Variants in MACF1 observed in about 807,000 individuals in gnomAD.
MACF1 encodes the protein microtubule actin crosslinking factor 1.
In MACF1, 193 loss-of-function variants were observed where a neutral mutation model predicts 854.8. That is an observed-to-expected ratio of 0.23 (90% CI 0.20 to 0.25). The LOEUF is 0.25. MACF1 is among the 10% of genes least tolerant of loss of function. The pLI, the probability that MACF1 is intolerant of heterozygous loss-of-function variation, is 1.00. For missense variants in MACF1, 7,722 were observed against 8,929.1 expected (o/e 0.86, Z 5.45); for synonymous variants, 3,185 against 3,226.7 (o/e 0.99, Z 0.44).
intron 1 of MACF1, among the ~76,000 whole-genome samples, chr1:39,210,293 T>G (rs1324804721): frequency 2.6e-5 from 4 of 152,084 alleles, no homozygotes; most frequent in Non-Finnish European, 4.4e-5. Flanking sequence ...TGGTCATATA[T>G]CTAACATATC....
At chr1:39,142,473 T>C (rs1643365181) in intron 2 of MACF1, among the ~76,000 whole-genome samples, 1 of 152,176 alleles carries the variant, frequency 6.6e-6, no homozygotes, top group Non-Finnish European at 1.5e-5. Context: ...TACAGTGCTA[T>C]GAATGTACCT....
intron 88 of MACF1, among the ~76,000 whole-genome samples, chr1:39,454,617 A>G (rs904296121): frequency 1.3e-5 from 2 of 152,110 alleles, no homozygotes; most frequent in African/African-American, 4.8e-5. Flanking sequence ...CCTGGGCAAC[A>G]TGGTGAAACC....
chr1:39,463,116 G>A (rs1644586576), intron 93 of MACF1, among the ~76,000 whole-genome samples: 2 of 152,150 alleles, frequency 1.3e-5, no homozygotes, highest in Admixed American at 6.5e-5. Context: ...GTCTCAATTA[G>A]TTCACTTAGT....
chr1:39,268,877 G>A (rs1009842100), intron 6 of MACF1: 1 of 1,289,418 alleles, frequency 7.8e-7, no homozygotes, highest in Non-Finnish European at 1.0e-6. Context: ...TCATTGAAGA[G>A]ACTGAAACCC....
chr1:39,116,188 A>C (rs1035817326), intron 2 of MACF1, among the ~76,000 whole-genome samples: 1 of 152,214 alleles, frequency 6.6e-6, no homozygotes, highest in Non-Finnish European at 1.5e-5. Context: ...AAATTGATGG[A>C]GCATGGGCTC....
intron 40 of MACF1, among the ~76,000 whole-genome samples, 168 bp downstream of exon 40, chr1:39,341,121 C>T (rs1032885924): frequency 2.6e-5 from 4 of 151,564 alleles, no homozygotes; most frequent in Non-Finnish European, 4.4e-5. Flanking sequence ...GCAACCTCCG[C>T]CTCCTGGGTT....
intron 52 of MACF1, among the ~76,000 whole-genome samples, chr1:39,377,730 A>ACAC (rs1649847149): frequency 1.3e-5 from 2 of 152,228 alleles, no homozygotes; most frequent in African/African-American, 4.8e-5. Flanking sequence ...TAGGCCAGGC[A>ACAC]CGGTGACTCA....
intron 58 of MACF1, among the ~76,000 whole-genome samples, chr1:39,419,497 AGT>A (rs1643449824): frequency 6.6e-6 from 1 of 151,298 alleles, no homozygotes; most frequent in African/African-American, 2.4e-5. Context: ...TCAACCGGTA[AGT>A]ATTTAATGTA....
intron 84 of MACF1, among the ~76,000 whole-genome samples, chr1:39,450,256 G>C (rs918407334): frequency 5.3e-5 from 8 of 151,828 alleles, no homozygotes; most frequent in African/African-American, 1.9e-4. Context: ...TGGCCTCCCA[G>C]AGTGCTGGGA....
chr1:39,209,215 C>T (rs1461179312), intron 1 of MACF1, among the ~76,000 whole-genome samples: 5 of 150,020 alleles, frequency 3.3e-5, no homozygotes, highest in African/African-American at 7.4e-5. Flanking sequence ...AGTGAAACTC[C>T]ATCTAAAAAA....
chr1:39,292,653 G>T, intron 16 of MACF1, 113 bp from the exon 17 acceptor site: 1 of 746,386 alleles, frequency 1.3e-6, no homozygotes, highest in Non-Finnish European at 2.1e-6. Context: ...TGTTTTCTTA[G>T]AGCAACCAAT....
Position 39,448,683 on chromosome 1 carries a change from C to G in MACF1, c.20178C>G (p.Pro6726=), listed in dbSNP as rs759255188. 11 of 1,612,986 alleles carry G rather than the reference C, an allele frequency of 6.8e-6. No individual in the cohort carries two copies. The highest frequency in any genetic ancestry group is 9.3e-6 in the Non-Finnish European group (11 of 1,179,338). ...CACTGAAAGAAAAGACTTTGCTTCCCGAAGATAGTCAGAAACTTGACAATT... is the reference window on the plus strand; with the variant it reads ...CACTGAAAGAAAAGACTTTGCTTCCGGAAGATAGTCAGAAACTTGACAATT... ...GRALKEKTLL[P]EDSQKLDNFL... Residue 6726 remains proline, a synonymous_variant, in exon 84 of 101, where the codon CCC becomes CCG. Transcript: ENST00000564288.
chr1:39,246,801 G>A (rs1644986496), intron 2 of MACF1, among the ~76,000 whole-genome samples: 3 of 151,954 alleles, frequency 2.0e-5, no homozygotes. Context: ...TGAGAGGGAG[G>A]GGTTTTGAAA....
chr1:39,380,280 A>G lies in MACF1; in HGVS notation c.13555A>G (p.Ile4519Val), dbSNP rs1003178075. 1.2e-6 allele frequency: 2 copies of G among 1,613,576 alleles called. No homozygotes were observed. Among genetic ancestry groups the G allele is most frequent in the Admixed American group, 3.3e-5 (2 of 59,914 alleles). ...LAELEQNSPK[I>V]QKVKEALAGL... ...TGAGTTGGAACAGAATTCTCCAAAA[A>G]TTCAAAAAGTAAAGGAAGCCCTGGC... The change falls in exon 55 of 101, where the codon ATT becomes GTT. Residue 4519 changes from isoleucine to valine, a missense_variant. By Grantham distance (29) the Ile-to-Val change is conservative (BLOSUM62 3). Coordinates refer to ENST00000564288, the MANE Select transcript of MACF1 (RefSeq NM_001394062.1).
In MACF1 at chr1:39,084,677, T is replaced by C. The variant is rs1412823540; in HGVS notation, c.220+239T>C. On this transcript the variant is annotated intron_variant, in intron 2 of 93. Transcript: ENST00000361689. The surrounding 1 kb of genome is among the most constrained non-coding windows in gnomAD (Gnocchi z 5.2). ...ACCTGTTTTCATTTCTGCACCTTCT[T>C]CCCTGTCTTTGTCCCCATTCAGTTA... 3.9e-5 allele frequency among the ~76,000 whole-genome samples: 6 copies of C among 152,216 alleles called. No homozygotes were observed. Among genetic ancestry groups the C allele is most frequent in the African/African-American group, 1.4e-4 (6 of 41,458 alleles).
intron 58 of MACF1, among the ~76,000 whole-genome samples, chr1:39,420,888 T>C (rs1365292385): frequency 7.0e-6 from 1 of 142,256 alleles, no homozygotes; most frequent in Non-Finnish European, 1.5e-5. Flanking sequence ...TTTTTTGAGA[T>C]GGAGTCTTGC....
At chr1:39,316,893 A>G (rs912970113) in intron 28 of MACF1, among the ~76,000 whole-genome samples, 1 of 152,222 alleles carries the variant, frequency 6.6e-6, no homozygotes, top group Non-Finnish European at 1.5e-5. Context: ...TTTTCTCTCC[A>G]TTTACAGATG....
intron 2 of MACF1, among the ~76,000 whole-genome samples, chr1:39,104,088 CTTTT>C (rs892181764): frequency 1.9e-4 from 29 of 152,270 alleles, no homozygotes; most frequent in African/African-American, 7.0e-4. Context: ...TGCATGAATT[CTTTT>C]TTTACTTGCT....
At chr1:39,329,047 A>G (rs1250590715) in intron 36 of MACF1, among the ~76,000 whole-genome samples, 1 of 152,216 alleles carries the variant, frequency 6.6e-6, no homozygotes, top group Non-Finnish European at 1.5e-5. Context: ...TTTTTAAGGT[A>G]TCTTGAAATT....
Sources: gnomAD v4.1 joint callset for allele counts (sites outside exome capture counted in the v4.1 genomes callset) on GRCh38, gnomAD v4.1.1 for gene constraint, Gnocchi (gnomAD v3.1) non-coding constraint, MANE v1.5 for transcripts, NCBI Gene and HGNC (gene_info 2026-07-23, HGNC 2026-07-21) for gene names.